The following DLEC1 variants were observed in gnomAD, a reference collection of about 807,000 sequenced individuals.
DLEC1 encodes the protein deleted in lung and esophageal cancer protein 1.
In DLEC1, 146 loss-of-function variants were observed where a neutral mutation model predicts 198.1. The ratio of observed to expected loss-of-function variants is 0.74; its 90% CI spans 0.64 to 0.85. The LOEUF is 0.85. Ranked by LOEUF, DLEC1 falls within the 40% of genes least tolerant of loss-of-function variation. The probability of loss-of-function intolerance (pLI) is 0.00; values close to 1 mark genes in which losing one functional copy is unlikely to be tolerated. For synonymous variants in DLEC1, 897 were observed against 866.8 expected, an observed-to-expected ratio of 1.03 and a Z score of -0.61; for missense variants, 2,233 against 2,220.0, an observed-to-expected ratio of 1.01 and a Z score of -0.12.
intron 7 of DLEC1, among the ~76,000 whole-genome samples, chr3:38,084,473 G>GGTGGTGGTAGTA (rs1559430384): frequency 1.1e-5 from 1 of 88,426 alleles, no homozygotes; most frequent in African/African-American, 4.7e-5. Flanking sequence ...TAGTAGTGGT[G>GGTGGTGGTAGTA]GTGGTGGTAG....
intron 2 of DLEC1, among the ~76,000 whole-genome samples, chr3:38,056,062 TACACACACACACACACACACACACAC>T (rs57610638): frequency 4.2e-5 from 5 of 120,450 alleles, no homozygotes; most frequent in East Asian, 2.4e-4. Flanking sequence ...CTACAAAAAA[TACACACACACACACACACACACACAC>T]ACACACACAC....
chr3:38,096,468 GTTTT>G, intron 14 of DLEC1, 97 bp from the exon 15 acceptor site: 1 of 1,220,432 alleles, frequency 8.2e-7, no homozygotes, highest in South Asian at 1.6e-5. Flanking sequence ...GTTAGGCAGT[GTTTT>G]TTTTTTCACA....
chr3:38,054,870 C>T (rs9866441), intron 2 of DLEC1, among the ~76,000 whole-genome samples: 48,329 of 152,012 alleles, frequency 0.32, 7,986 homozygotes, highest in East Asian at 0.55. Context: ...AGAACCACAG[C>T]GGAACTGAAC....
intron 6 of DLEC1, among the ~76,000 whole-genome samples, chr3:38,069,870 T>C (rs1286027982): frequency 1.3e-5 from 2 of 152,240 alleles, no homozygotes; most frequent in Non-Finnish European, 2.9e-5. Context: ...AATGCTGATT[T>C]AGGAATACAA....
intron 2 of DLEC1, among the ~76,000 whole-genome samples, chr3:38,047,658 G>A (rs564282758): frequency 6.6e-6 from 1 of 152,252 alleles, no homozygotes; most frequent in Non-Finnish European, 1.5e-5. Context: ...GACTTTATGA[G>A]GTTTAGGTTC....
At chr3:38,051,400 G>A (rs1025575506) in intron 2 of DLEC1, among the ~76,000 whole-genome samples, 1 of 152,198 alleles carries the variant, frequency 6.6e-6, no homozygotes, top group East Asian at 1.9e-4. Flanking sequence ...GCAGGAGCTG[G>A]AGGCTGCTGC....
At chr3:38,071,670 G>A (rs944793982) in intron 6 of DLEC1, among the ~76,000 whole-genome samples, 1 of 152,172 alleles carries the variant, frequency 6.6e-6, no homozygotes, top group African/African-American at 2.4e-5. Context: ...TAGAGCAATG[G>A]GATCTGACGC....
intron 5 of DLEC1, among the ~76,000 whole-genome samples, chr3:38,063,624 G>A (rs925847890): frequency 1.3e-5 from 2 of 152,170 alleles, no homozygotes; most frequent in Admixed American, 6.5e-5. Context: ...AATGAAATAT[G>A]TAGCTACTTA....
At chr3:38,091,737 A>G (rs778746032) in intron 10 of DLEC1, among the ~76,000 whole-genome samples, 2 of 152,218 alleles carry the variant, frequency 1.3e-5, no homozygotes, top group Non-Finnish European at 1.5e-5. Flanking sequence ...TAAATGGTCA[A>G]TGAGTATATG....
chr3:38,109,752 C>G, intron 22 of DLEC1, 190 bp downstream of exon 22: 1 of 989,154 alleles, frequency 1.0e-6, no homozygotes, highest in Non-Finnish European at 1.5e-6. Context: ...TCCCTGCCCT[C>G]TGTGTGGTCT....
intron 2 of DLEC1, among the ~76,000 whole-genome samples, chr3:38,053,685 C>T (rs1187920206): frequency 6.7e-6 from 1 of 149,484 alleles, no homozygotes; most frequent in Non-Finnish European, 1.5e-5. Context: ...GCCACCCCGT[C>T]TGGGAGGTGT....
chr3:38,072,192 A>G (rs1415935984), intron 6 of DLEC1, among the ~76,000 whole-genome samples: 1 of 152,218 alleles, frequency 6.6e-6, no homozygotes, highest in Non-Finnish European at 1.5e-5. Flanking sequence ...GCCAGGAACA[A>G]TGGTAACTGT....
In DLEC1 at chr3:38,081,561, C is replaced by T. The variant is rs1352622278; in HGVS notation, c.1174-2597C>T. On this transcript the variant is annotated intron_variant, in intron 6 of 36. Coordinates refer to ENST00000308059, the MANE Select transcript of DLEC1 (RefSeq NM_007335.4). ...TCACCTCCCGGATGGGGCGGCTGGC[C>T]GGGCAGGGGGCTGAGCCCCTCACCT... 4.7e-5 allele frequency among the ~76,000 whole-genome samples: 5 copies of T among 105,304 alleles called. 1 individual carries two copies. Among genetic ancestry groups the T allele is most frequent in the African/African-American group, 4.3e-5 (1 of 23,188 alleles). 69.1% of individuals were successfully genotyped at this position (105,304 alleles called of 152,430 possible).
chr3:38,057,058 T>C (rs376507958), intron 2 of DLEC1, among the ~76,000 whole-genome samples: 15 of 152,370 alleles, frequency 9.8e-5, no homozygotes, highest in East Asian at 3.9e-4. Context: ...GCTTCTTGTA[T>C]GTACAGACAA....
intron 6 of DLEC1, among the ~76,000 whole-genome samples, chr3:38,068,214 A>G (rs1697133483): frequency 6.7e-6 from 1 of 149,376 alleles, no homozygotes; most frequent in African/African-American, 2.5e-5. Context: ...AGATATGTAG[A>G]CTTCATTTCT....
intron 6 of DLEC1, among the ~76,000 whole-genome samples, chr3:38,079,783 G>T (rs1408417482): frequency 6.6e-6 from 1 of 152,220 alleles, no homozygotes; most frequent in Non-Finnish European, 1.5e-5. Flanking sequence ...CCTGGCTGCT[G>T]CGGTTCAGGC....
At chr3:38,059,476 T>C (rs1696564297) in intron 2 of DLEC1, among the ~76,000 whole-genome samples, 2 of 152,226 alleles carry the variant, frequency 1.3e-5, no homozygotes. Flanking sequence ...CAATCTACCA[T>C]ATTTCTCATA....
intron 25 of DLEC1, among the ~76,000 whole-genome samples, chr3:38,113,052 G>A (rs897080003): frequency 6.6e-6 from 1 of 152,188 alleles, no homozygotes; most frequent in Admixed American, 6.5e-5. Flanking sequence ...TATAAAAAGG[G>A]ATCTTAAGTA....
At position 38,117,885 on chromosome 3, in the gene DLEC1, T is replaced by C. The variant is rs1700267183; in HGVS notation, c.4565T>C (p.Val1522Ala). ...ATCCCACACTACTTCCGGCTTATGG[T>C]CTCCAGGCCCTTCTCCGTTTCTCAA... is the stretch of plus-strand genomic sequence containing the variant. Reference protein sequence around the residue: ...TEIPHYFRLMVSRPFSVSQDG... With the variant: ...TEIPHYFRLMASRPFSVSQDG... The change falls in exon 33 of 37, where the codon GTC becomes GCC. Residue 1522 changes from valine (V) to alanine (A), a missense_variant. Transcript: ENST00000308059. 9 of 1,614,038 alleles carry C rather than the reference T, an allele frequency of 5.6e-6. No homozygotes were observed. The highest frequency in any genetic ancestry group is 7.6e-6 in the Non-Finnish European group (9 of 1,179,970).
Sources: gnomAD v4.1 joint callset for allele counts (sites outside exome capture counted in the v4.1 genomes callset) on GRCh38, gnomAD v4.1.1 for gene constraint, MANE v1.5 for transcripts, NCBI Gene and HGNC (gene_info 2026-07-23, HGNC 2026-07-21) for gene names.